LRBA: variants seen among roughly 807,000 people sequenced by gnomAD.
The protein encoded by LRBA is lipopolysaccharide-responsive and beige-like anchor protein.
LRBA carries 176 observed loss-of-function variants against 330.0 expected under a neutral mutation model. That is an observed-to-expected ratio of 0.53 (90% CI 0.47 to 0.60). The LOEUF (loss-of-function observed/expected upper bound fraction) is 0.60. Among genes scored for constraint, LRBA ranks in the 20% least tolerant of loss-of-function variants. LRBA has a pLI of 0.00. For missense variants in LRBA, 3,259 were observed against 3,444.8 expected (o/e 0.95, Z 1.35); for synonymous variants, 1,230 against 1,193.0 (o/e 1.03, Z -0.64).
At chr4:150,619,066 A>G (rs1776055133) in intron 37 of LRBA, among the ~76,000 whole-genome samples, 1 of 152,144 alleles carries the variant, frequency 6.6e-6, no homozygotes, top group African/African-American at 2.4e-5. Context: ...AAGCAAAGTC[A>G]TTATTTCTAA....
chr4:150,606,584 T>A (rs1266181022), intron 37 of LRBA, among the ~76,000 whole-genome samples: 1 of 152,200 alleles, frequency 6.6e-6, no homozygotes, highest in Non-Finnish European at 1.5e-5. Flanking sequence ...TGCTACACAC[T>A]GTTCTCTGTT....
rs1341704964 is a variant in LRBA at position 150,583,116 on chromosome 4, A to G, written c.6330+4932T>C. The G allele has an allele frequency of 6.2e-7, 1 of 1,614,210 alleles. No homozygotes were observed. The highest frequency in any genetic ancestry group is 1.3e-5 in the African/African-American group (1 of 75,074). On this transcript the variant is annotated intron_variant, in intron 40 of 56. Transcript: ENST00000651943. This position sits in a 1 kb window ranked among gnomAD's most constrained non-coding sequence, Gnocchi z 9.8. ...AGGCGCGCAAGGCGGCCATCGCCAAAACCATCCGAGAGGTCTGTAAGGTGG... is the reference window on the plus strand; with the variant it reads ...AGGCGCGCAAGGCGGCCATCGCCAAGACCATCCGAGAGGTCTGTAAGGTGG...
intron 33 of LRBA, among the ~76,000 whole-genome samples, chr4:150,802,004 T>TATAA (rs10582625): frequency 0.042 from 5,583 of 131,926 alleles, 166 homozygotes; most frequent in African/African-American, 0.08. Context: ...AACCCATCTC[T>TATAA]ATAAATAAAT....
intron 47 of LRBA, among the ~76,000 whole-genome samples, chr4:150,376,781 G>T (rs889488408): frequency 5.9e-5 from 9 of 152,086 alleles, no homozygotes; most frequent in Non-Finnish European, 1.3e-4. Flanking sequence ...AGATAACCCC[G>T]GGTGTTTTTG....
intron 35 of LRBA, among the ~76,000 whole-genome samples, chr4:150,746,979 A>T (rs528354939): frequency 3.3e-5 from 5 of 152,242 alleles, no homozygotes; most frequent in African/African-American, 1.2e-4. Context: ...TGAAAATCTG[A>T]TAATCACTGT....
intron 47 of LRBA, among the ~76,000 whole-genome samples, chr4:150,380,065 C>G (rs375150817): frequency 1.3e-5 from 2 of 150,066 alleles, no homozygotes; most frequent in African/African-American, 4.9e-5. Context: ...TGTAATCCCA[C>G]CTACTCGGGA....
At chr4:150,342,866 A>G (rs1735772863) in intron 48 of LRBA, among the ~76,000 whole-genome samples, 1 of 152,224 alleles carries the variant, frequency 6.6e-6, no homozygotes, top group Admixed American at 6.5e-5. Context: ...TAGCTACTGA[A>G]CAGAAATTAG....
intron 20 of LRBA, 50 bp from the exon 21 acceptor site, chr4:150,868,355 A>C: frequency 8.9e-5 from 124 of 1,387,844 alleles, no homozygotes; most frequent in Non-Finnish European, 1.1e-4. Context: ...CAAAAAACTC[A>C]TGATAGAAGG....
chr4:151,000,411 TA>T (rs1214184850), intron 2 of LRBA, among the ~76,000 whole-genome samples: 1 of 152,040 alleles, frequency 6.6e-6, no homozygotes, highest in Admixed American at 6.6e-5. Context: ...CCTATTCACT[TA>T]AAAAAAGTGC....
At chr4:150,795,496 G>C (rs114899986) in intron 34 of LRBA, among the ~76,000 whole-genome samples, 41 of 152,016 alleles carry the variant, frequency 2.7e-4, no homozygotes, top group African/African-American at 9.4e-4. Flanking sequence ...AGTCATTCTT[G>C]AATTATTCTA....
intron 47 of LRBA, among the ~76,000 whole-genome samples, chr4:150,401,004 A>G (rs1745387383): frequency 6.6e-6 from 1 of 152,210 alleles, no homozygotes; most frequent in Non-Finnish European, 1.5e-5. Context: ...TACAGAGGTA[A>G]ACAGGTTAAA....
chr4:150,626,852 A>C (rs1776911321), intron 37 of LRBA, among the ~76,000 whole-genome samples: 1 of 152,164 alleles, frequency 6.6e-6, no homozygotes, highest in Non-Finnish European at 1.5e-5. Flanking sequence ...ACTTGTGATT[A>C]ATTACTTATA....
intron 37 of LRBA, among the ~76,000 whole-genome samples, chr4:150,626,378 T>C (rs1326775160): frequency 6.6e-6 from 1 of 152,212 alleles, no homozygotes; most frequent in Non-Finnish European, 1.5e-5. Flanking sequence ...TGCAGAACTG[T>C]ATTTATCAAA....
chr4:150,489,811 T>G (rs1758677125), intron 41 of LRBA, among the ~76,000 whole-genome samples: 1 of 144,142 alleles, frequency 6.9e-6, no homozygotes, highest in Non-Finnish European at 1.5e-5. Context: ...AAGCCTCCTT[T>G]ACATATCCAC....
chr4:150,908,731 G>A lies in LRBA; in HGVS notation c.1288C>T (p.Leu430Phe). Reference protein sequence around the residue: ...TYNPRATDAQLCLESSPKDNP... With the variant: ...TYNPRATDAQFCLESSPKDNP... ...TCCTTAGGAGATGATTCAAGACAAA[G>A]CTGGGCATCTGTAGCCCGTGGATTG... is the stretch of plus-strand genomic sequence containing the variant. Residue 430 changes from leucine (L) to phenylalanine (F), a missense_variant, in exon 10 of 57, where the codon CTT becomes TTT. By Grantham distance (22) the Leu-to-Phe change is conservative. Coordinates refer to ENST00000651943, the MANE Select transcript of LRBA (RefSeq NM_001364905.1). 6.2e-7 allele frequency: 1 copy of A among 1,613,970 alleles called. No homozygotes were observed. Among genetic ancestry groups the A allele is most frequent in the Non-Finnish European group, 8.5e-7 (1 of 1,179,858 alleles).
At chr4:150,902,725 C>T (rs966502981) in intron 13 of LRBA, among the ~76,000 whole-genome samples, 2 of 152,176 alleles carry the variant, frequency 1.3e-5, no homozygotes, top group Non-Finnish European at 2.9e-5. Flanking sequence ...CTTCATTCTT[C>T]CCTTGCTTTG....
At chr4:150,398,755 T>C (rs1476599661) in intron 47 of LRBA, among the ~76,000 whole-genome samples, 1 of 152,082 alleles carries the variant, frequency 6.6e-6, no homozygotes, top group South Asian at 2.1e-4. Context: ...GCCTCCCATG[T>C]AGATGGAACT....
At chr4:150,849,955 A>G (rs1035854673) in intron 24 of LRBA, among the ~76,000 whole-genome samples, 1 of 152,226 alleles carries the variant, frequency 6.6e-6, no homozygotes, top group African/African-American at 2.4e-5. Context: ...GCTTTTAAAC[A>G]TAACAAGAAT....
intron 33 of LRBA, among the ~76,000 whole-genome samples, chr4:150,802,108 T>C (rs1741724339): frequency 6.6e-6 from 1 of 150,990 alleles, no homozygotes; most frequent in African/African-American, 2.4e-5. Flanking sequence ...TAGTCCCAAC[T>C]ACTTGAGAGG....
Sources: allele counts gnomAD v4.1 joint callset (sites outside exome capture counted in the v4.1 genomes callset), GRCh38; gene constraint gnomAD v4.1.1; non-coding constraint Gnocchi (gnomAD v3.1); transcripts MANE v1.5; gene names NCBI Gene and HGNC (gene_info 2026-07-23, HGNC 2026-07-21).